Variants in TERT observed in about 807,000 individuals in gnomAD.
TERT encodes telomerase reverse transcriptase.
TERT carries 42 observed loss-of-function variants against 104.0 expected under a neutral mutation model. That is an observed-to-expected ratio of 0.40 (90% CI 0.32 to 0.52). TERT has a LOEUF of 0.52. Among genes scored for constraint, TERT ranks in the 20% least tolerant of loss-of-function variants. The probability of loss-of-function intolerance (pLI) is 0.43; values close to 1 mark genes in which losing one functional copy is unlikely to be tolerated. For missense variants in TERT, 1,101 were observed against 1,610.3 expected, an observed-to-expected ratio of 0.68 and a Z score of 5.41; for synonymous variants, 781 against 725.6, an observed-to-expected ratio of 1.08 and a Z score of -1.23.
In TERT at chr5:1,292,557, G is replaced by C. The variant is rs1751063255; in HGVS notation, c.1573+756C>G. 6.6e-6 allele frequency among the ~76,000 whole-genome samples: 1 copy of C among 151,956 alleles called. No individual in the cohort carries two copies. Among genetic ancestry groups the C allele is most frequent in the African/African-American group, 2.4e-5 (1 of 41,348 alleles). ...GACAGAGTTTCACTCTTGTCGCCCA[G>C]GCTGGAGTACAATGGCACAATCTCA... On this transcript the variant is annotated intron_variant, in intron 2 of 15. Coordinates refer to ENST00000310581, the MANE Select transcript of TERT (RefSeq NM_198253.3). This position sits in a 1 kb window ranked among gnomAD's most constrained non-coding sequence, Gnocchi z 5.5.
Position 1,255,447 on chromosome 5 carries a change from T to C in TERT, c.3033-36A>G, listed in dbSNP as rs1174157716. The C allele has an allele frequency of 6.2e-7, 1 of 1,613,370 alleles. No homozygotes were observed. On this transcript the variant is annotated intron_variant, in intron 13 of 15. Coordinates refer to ENST00000310581, the MANE Select transcript of TERT (RefSeq NM_198253.3). This position sits in a 1 kb window ranked among gnomAD's most constrained non-coding sequence, Gnocchi z 6.9. ...GGCGGACAGCGTCAGAGGAAAGGCC[T>C]CCTAATCAGACGGTGCTCGTGGGTG... is the stretch of plus-strand genomic sequence containing the variant.
chr5:1,267,541 T>G (rs1748696647), intron 9 of TERT, among the ~76,000 whole-genome samples: 1 of 152,220 alleles, frequency 6.6e-6, no homozygotes, highest in Admixed American at 6.5e-5. Context: ...ACACGTATGT[T>G]TATTGCGGCA....
chr5:1,293,554 G>A lies in TERT; in HGVS notation c.1332C>T (p.Asp444=), dbSNP rs748983668. The part of the protein sequence containing the change: ...SVAAPEEEDT[D]PRRLVQLLRQ... ...GGAGCAGCTGCACCAGGCGACGGGG[G>A]TCTGTGTCCTCCTCCTCGGGGGCCG... Residue 444 remains aspartate, a synonymous_variant, in exon 2 of 16, where the codon GAC becomes GAT. Coordinates refer to ENST00000310581, the MANE Select transcript of TERT (RefSeq NM_198253.3). 2 of 1,548,514 alleles carry A rather than the reference G, an allele frequency of 1.3e-6. No individual in the cohort carries two copies. Among genetic ancestry groups the A allele is most frequent in the Non-Finnish European group, 1.7e-6 (2 of 1,145,182 alleles).
At position 1,286,047 on chromosome 5, in the gene TERT, C is replaced by T. The variant is rs1428829216; in HGVS notation, c.1574-3423G>A. Among the ~76,000 whole-genome samples, 4 of 152,198 alleles carry T rather than the reference C, an allele frequency of 2.6e-5. No homozygotes were observed. In the South Asian group the frequency reaches 6.2e-4, roughly 24 times the overall value. On this transcript the variant is annotated intron_variant, in intron 2 of 15. Coordinates refer to ENST00000310581, the MANE Select transcript of TERT (RefSeq NM_198253.3). The surrounding 1 kb of genome is among the most constrained non-coding windows in gnomAD (Gnocchi z 5.3). ...GTTTGCGCGATTTCAAACTCGACAC[C>T]GCGGAGCCACCAGACCCCGACATGC...
chr5:1,284,775 G>C (rs565580422), intron 2 of TERT, among the ~76,000 whole-genome samples: 1 of 145,036 alleles, frequency 6.9e-6, no homozygotes, highest in South Asian at 2.2e-4. Context: ...GCAGCATCCG[G>C]ACACCCCACA....
chr5:1,264,498 T>C lies in TERT; in HGVS notation c.2749A>G (p.Thr917Ala). The change falls in exon 11 of 16, where the codon ACG (threonine) becomes GCG (alanine). Residue 917 changes from threonine (T) to alanine (A), a missense_variant. Thr to Ala is a moderately conservative substitution (Grantham distance 58). Transcript: ENST00000310581. ...TGGGCCGGCATCTGAACAAAAGCCG[T>C]GCCACCCAGGGCCTCGTCTTCTACA... Reference protein sequence around the residue: ...FPVEDEALGGTAFVQMPAHGL... With the variant: ...FPVEDEALGGAAFVQMPAHGL... 6.2e-7 allele frequency: 1 copy of C among 1,613,970 alleles called. No homozygotes were observed.
rs1269153908 is a variant in TERT at position 1,264,412 on chromosome 5, G to A, written c.2835C>T (p.Asp945=). 1 of 1,612,628 alleles carries A rather than the reference G, an allele frequency of 6.2e-7. No homozygotes were observed. Among genetic ancestry groups the A allele is most frequent in the East Asian group, 2.2e-5 (1 of 44,852 alleles). The part of the protein sequence containing the change: ...LDTRTLEVQS[D]YSSYARTSIR... ...CGGCCAGGTGCGCTCACCTGGAGTA[G>A]TCGCTCTGCACCTCCAGGGTCCGGG... The change falls in exon 11 of 16, where the codon GAC becomes GAT. Residue 945 remains aspartate (D), a synonymous_variant. Transcript: ENST00000310581.
intron 6 of TERT, among the ~76,000 whole-genome samples, chr5:1,272,593 G>GATCA (rs1306890514): frequency 1.1e-4 from 2 of 19,012 alleles, no homozygotes; most frequent in Non-Finnish European, 1.1e-4. Context: ...CCCTACGACC[G>GATCA]CCATCCACAG....
chr5:1,278,321 G>GCA (rs769314849), intron 6 of TERT, among the ~76,000 whole-genome samples: 39 of 151,910 alleles, frequency 2.6e-4, no homozygotes, highest in East Asian at 1.5e-3. Context: ...ACGGACACAT[G>GCA]CACACACACA....
rs11291391 is a variant in TERT, at chr5:1,287,497, C to CA, written c.1574-4874dup. 5.9e-3 allele frequency among the ~76,000 whole-genome samples: 797 copies of CA among 136,074 alleles called. 2 individuals are homozygous for CA. Among genetic ancestry groups the CA allele is most frequent in the African/African-American group, 9.8e-3 (356 of 36,180 alleles). 89.3% of individuals were successfully genotyped at this position (136,074 alleles called of 152,430 possible). ...TGGGCGACAGACCAAGACTCTGTCT[C>CA]AAAAAAAAAAAATATATATATATAT... On this transcript the variant is annotated intron_variant, in intron 2 of 15. Coordinates refer to ENST00000310581, the MANE Select transcript of TERT (RefSeq NM_198253.3). The surrounding 1 kb of genome is among the most constrained non-coding windows in gnomAD (Gnocchi z 4.3).
chr5:1,260,418 A>G, intron 12 of TERT, 56 bp downstream of exon 12: 1 of 1,611,176 alleles, frequency 6.2e-7, no homozygotes, highest in South Asian at 1.1e-5. Context: ...ACACACACAT[A>G]CTTGCGCACA....
Position 1,270,664 on chromosome 5 carries a change from C to T in TERT, c.2468+455G>A, listed in dbSNP as rs995244128. On this transcript the variant is annotated intron_variant, in intron 8 of 15. Transcript: ENST00000310581. This position sits in a 1 kb window ranked among gnomAD's most constrained non-coding sequence, Gnocchi z 8.3. ...AAATCTAGTCACAGAGAGAAGAGCCCGCGCCCTCGCGGGGGTCACACGACA... is the reference window on the plus strand; with the variant it reads ...AAATCTAGTCACAGAGAGAAGAGCCTGCGCCCTCGCGGGGGTCACACGACA... Among the ~76,000 whole-genome samples the T allele has an allele frequency of 1.3e-5, 2 of 152,264 alleles. No homozygotes were observed. Among genetic ancestry groups the T allele is most frequent in the East Asian group, 1.9e-4 (1 of 5,180 alleles).
rs1174105928 is a variant in TERT, at chr5:1,254,299, C to T, written c.3295+69G>A. ...CTTCAGCAGCATCTGAGGCTGCTCG[C>T]CCCACACAGGGCGTTCAAGGATGAC... On this transcript the variant is annotated intron_variant, in intron 15 of 15. Transcript: ENST00000310581. 6.2e-6 allele frequency: 10 copies of T among 1,607,950 alleles called. No homozygotes were observed. The East Asian group carries it at 1.6e-4, about 25-fold the overall frequency.
At chr5:1,277,665 G>A (rs1425995841) in intron 6 of TERT, among the ~76,000 whole-genome samples, 1 of 139,774 alleles carries the variant, frequency 7.2e-6, no homozygotes, top group Non-Finnish European at 1.6e-5. Context: ...GGGCGGTGGG[G>A]ACGGGGGGGT....
chr5:1,272,043 A>G (rs1393923789), intron 7 of TERT, 142 bp downstream of exon 7: 6 of 776,896 alleles, frequency 7.7e-6, no homozygotes, highest in Non-Finnish European at 4.5e-6. Flanking sequence ...CAAGGCACAC[A>G]GCTCATCATG....
At chr5:1,276,737 A>G (rs1201127257) in intron 6 of TERT, among the ~76,000 whole-genome samples, 1 of 152,118 alleles carries the variant, frequency 6.6e-6, no homozygotes, top group Non-Finnish European at 1.5e-5. Context: ...TGACACAGTA[A>G]AGACTGTTCT....
chr5:1,264,253 C>A, intron 11 of TERT, 151 bp downstream of exon 11: 1 of 768,580 alleles, frequency 1.3e-6, no homozygotes, highest in Non-Finnish European at 2.2e-6. Context: ...TTCTGCTCAG[C>A]CCCAGATGGG....
At chr5:1,278,382 C>T (rs371309228) in intron 6 of TERT, among the ~76,000 whole-genome samples, 52 of 152,054 alleles carry the variant, frequency 3.4e-4, no homozygotes, top group African/African-American at 1.1e-3. Context: ...TGAACATGCA[C>T]GTGTCACAGA....
chr5:1,254,644 C>T (rs1017018387), intron 14 of TERT, 139 bp from the exon 15 acceptor site: 23 of 936,902 alleles, frequency 2.5e-5, no homozygotes, highest in East Asian at 8.0e-5. Flanking sequence ...GCAGGAGTCA[C>T]GACAGAAATG....
Sources: gnomAD v4.1 joint callset for allele counts (sites outside exome capture counted in the v4.1 genomes callset) on GRCh38, gnomAD v4.1.1 for gene constraint, Gnocchi (gnomAD v3.1) non-coding constraint, MANE v1.5 for transcripts, NCBI Gene and HGNC (gene_info 2026-07-23, HGNC 2026-07-21) for gene names.